ACOX1: variants seen among roughly 807,000 people sequenced by gnomAD.
ACOX1 encodes the protein peroxisomal acyl-coenzyme A oxidase 1.
ACOX1 carries 41 observed loss-of-function variants against 75.5 expected under a neutral mutation model. That is an observed-to-expected ratio of 0.54 (90% CI 0.42 to 0.70). The LOEUF (loss-of-function observed/expected upper bound fraction) is 0.70. Ranked by LOEUF, ACOX1 falls within the 30% of genes least tolerant of loss-of-function variation. The pLI, the probability that ACOX1 is intolerant of heterozygous loss-of-function variation, is 0.00. For missense variants in ACOX1, 630 were observed against 837.5 expected, an observed-to-expected ratio of 0.75 and a Z score of 3.06; for synonymous variants, 303 against 298.8, an observed-to-expected ratio of 1.01 and a Z score of -0.15.
At position 75,960,182 on chromosome 17, in the gene ACOX1, C is replaced by T. The variant is rs1279769706; in HGVS notation, c.430+33G>A. ...CACATGGTAAGCTCACAGGGGCCCGCCCAACCCAGAAGGTAGACTGAATAC... is the reference window on the plus strand; with the variant it reads ...CACATGGTAAGCTCACAGGGGCCCGTCCAACCCAGAAGGTAGACTGAATAC... On this transcript the variant is annotated intron_variant, in intron 3 of 13. Transcript: ENST00000293217. This position sits in a 1 kb window ranked among gnomAD's most constrained non-coding sequence, Gnocchi z 4.4. 3 of 1,613,304 alleles carry T rather than the reference C, an allele frequency of 1.9e-6. No individual in the cohort carries two copies. The highest frequency in any genetic ancestry group is 2.7e-5 in the African/African-American group (2 of 74,904).
At chr17:75,975,853 CAGAGAG>C (rs35921553) in intron 2 of ACOX1, among the ~76,000 whole-genome samples, 16 of 127,118 alleles carry the variant, frequency 1.3e-4, no homozygotes, top group Admixed American at 2.7e-4. Flanking sequence ...AATGGAAATG[CAGAGAG>C]AGAGAGAGAG....
At chr17:75,969,630 C>T (rs925871282) in intron 2 of ACOX1, among the ~76,000 whole-genome samples, 2 of 152,092 alleles carry the variant, frequency 1.3e-5, no homozygotes, top group African/African-American at 2.4e-5. Context: ...CAACGGAGTG[C>T]GGTAAAGACT....
rs8079543 is a variant in ACOX1 at position 75,949,156 on chromosome 17, A to G, written c.1728+61T>C. The G allele has an allele frequency of 0.014, 22,971 of 1,602,484 alleles. 1,850 individuals are homozygous for G. The African/African-American group carries it at 0.21, about 15-fold the overall frequency. On this transcript the variant is annotated intron_variant, in intron 12 of 13. Transcript: ENST00000293217. ...ATTACAGGCATGAGCCACCGTGCCC[A>G]GCCAACAATTATTTTTCTTAAAACA...
rs1491170774 is a variant in ACOX1, at chr17:75,967,682, G to GTA, written c.270-7309_270-7308dup. The stretch of plus-strand genomic sequence containing the variant: ...CATACATATATATACATATATATAC[G>GTA]TATATATATACATACATATATATAC... On this transcript the variant is annotated intron_variant, in intron 2 of 13. Coordinates refer to ENST00000293217, the MANE Select transcript of ACOX1 (RefSeq NM_004035.7). Among the ~76,000 whole-genome samples the GTA allele has an allele frequency of 2.2e-4, 20 of 90,806 alleles. 1 individual carries two copies. Among genetic ancestry groups the GTA allele is most frequent in the Non-Finnish European group, 3.8e-4 (19 of 49,650 alleles). 59.6% of individuals were successfully genotyped at this position (90,806 alleles called of 152,430 possible). A position where few individuals can be genotyped will look rare whatever the true frequency, so the allele number is the denominator to read the frequency against.
intron 6 of ACOX1, among the ~76,000 whole-genome samples, chr17:75,954,568 CTTTTTTTT>C (rs778030630): frequency 1.7e-5 from 2 of 115,654 alleles, no homozygotes; most frequent in Non-Finnish European, 1.7e-5. Flanking sequence ...TTATTAGCTC[CTTTTTTTT>C]TTTTTTTTTT....
In ACOX1 at chr17:75,946,550, C is replaced by T; in HGVS notation, c.*198G>A. 1.7e-6 allele frequency: 1 copy of T among 583,084 alleles called. No individual in the cohort carries two copies. The highest frequency in any genetic ancestry group is 3.1e-6 in the Non-Finnish European group (1 of 323,638). 36.1% of individuals were successfully genotyped at this position (583,084 alleles called of 1,614,324 possible). A position where few individuals can be genotyped will look rare whatever the true frequency, so the allele number is the denominator to read the frequency against. ...TTTTTCTGAATGGTTTAACAGGTCT[C>T]TTTCAGTGTTAATTGCACTTAAAAC... On this transcript the variant is annotated 3_prime_UTR_variant, in exon 14 of 14. Coordinates refer to ENST00000293217, the MANE Select transcript of ACOX1 (RefSeq NM_004035.7).
In ACOX1 at chr17:75,956,027, T is replaced by G. The variant is rs894544888; in HGVS notation, c.539-80A>C. The G allele has an allele frequency of 4.4e-6, 7 of 1,586,264 alleles. No homozygotes were observed. The African/African-American group carries it at 9.4e-5, about 21-fold the overall frequency. Reference sequence around the variant, plus strand: ...AGGGTAGAAAAAAGAAGAAAGAATATGTTAAATCTAACACTAGACTAAACC... The same window carrying G: ...AGGGTAGAAAAAAGAAGAAAGAATAGGTTAAATCTAACACTAGACTAAACC... On this transcript the variant is annotated intron_variant, in intron 4 of 13. Coordinates refer to ENST00000293217, the MANE Select transcript of ACOX1 (RefSeq NM_004035.7).
intron 2 of ACOX1, among the ~76,000 whole-genome samples, chr17:75,967,661 C>CATATATATATACGT (rs773082322): frequency 1.1e-5 from 1 of 93,304 alleles, no homozygotes; most frequent in African/African-American, 7.0e-5. Context: ...TATATACATA[C>CATATATATATACGT]ATATATATAC....
intron 3 of ACOX1, among the ~76,000 whole-genome samples, chr17:75,958,700 C>T (rs558888485): frequency 2.0e-5 from 3 of 147,024 alleles, no homozygotes; most frequent in Admixed American, 6.9e-5. Context: ...CCCAGCTACT[C>T]GGGAGGCTGA....
rs564804752 is a variant in ACOX1 at position 75,961,308 on chromosome 17, A to G, written c.270-933T>C. On this transcript the variant is annotated intron_variant, in intron 2 of 13. Coordinates refer to ENST00000293217, the MANE Select transcript of ACOX1 (RefSeq NM_004035.7). The stretch of plus-strand genomic sequence containing the variant: ...ACTCCATCTCAAAAAAAAAAAAAAA[A>G]AGAGAGAGAGAATTTGAAAAGTTGT... Among the ~76,000 whole-genome samples the G allele has an allele frequency of 8.0e-5, 12 of 150,750 alleles. No individual in the cohort carries two copies. In the South Asian group the frequency reaches 1.3e-3, roughly 16 times the overall value.
rs1376496010 is a variant in ACOX1 at position 75,942,181 on chromosome 17, A to T, written c.*4567T>A. On this transcript the variant is annotated 3_prime_UTR_variant, in exon 14 of 14. Coordinates refer to ENST00000293217, the MANE Select transcript of ACOX1 (RefSeq NM_004035.7). The stretch of plus-strand genomic sequence containing the variant: ...CACGGTGGCTCACGCCTGTAATCCC[A>T]GCACTTTGGGAGGCCGAGGTGGGTG... The T allele has an allele frequency of 1.3e-5, 2 of 152,180 alleles. No individual in the cohort carries two copies. The highest frequency in any genetic ancestry group is 6.5e-5 in the Admixed American group (1 of 15,270). The allele number at this position is 152,180 out of a possible 1,614,324, so 9.4% of individuals were successfully genotyped here.
In ACOX1 at chr17:75,951,408, C is replaced by T; in HGVS notation, c.1107+7G>A. The T allele has an allele frequency of 6.2e-7, 1 of 1,614,068 alleles. No homozygotes were observed. Among genetic ancestry groups the T allele is most frequent in the Non-Finnish European group, 8.5e-7 (1 of 1,180,016 alleles). ...GTGCCCATGAGTGAATGAGACCAAACTCATACCTCAGGCAGTTCACTCAGG... is the reference window on the plus strand; with the variant it reads ...GTGCCCATGAGTGAATGAGACCAAATTCATACCTCAGGCAGTTCACTCAGG... On this transcript the variant is annotated splice_region_variant and intron_variant, in intron 8 of 13. Coordinates refer to ENST00000293217, the MANE Select transcript of ACOX1 (RefSeq NM_004035.7).
chr17:75,949,105 C>T (rs1300309346), intron 12 of ACOX1, 112 bp downstream of exon 12: 8 of 1,269,290 alleles, frequency 6.3e-6, no homozygotes, highest in African/African-American at 1.5e-5. Context: ...ATCACCGTAC[C>T]CGCCTTGGGC....
At chr17:75,966,451 C>T (rs989150429) in intron 2 of ACOX1, among the ~76,000 whole-genome samples, 4 of 148,750 alleles carry the variant, frequency 2.7e-5, no homozygotes, top group Admixed American at 6.7e-5. Flanking sequence ...AGCAAGACTC[C>T]GTCTTAAAAA....
chr17:75,949,406 G>T, intron 11 of ACOX1, 46 bp from the exon 12 acceptor site: 1 of 1,613,460 alleles, frequency 6.2e-7, no homozygotes. Flanking sequence ...CTTGGAAAAA[G>T]ATTCAATATA....
chr17:75,959,771 CTACTCATT>C (rs2065871494), intron 3 of ACOX1, among the ~76,000 whole-genome samples: 2 of 152,148 alleles, frequency 1.3e-5, no homozygotes, highest in South Asian at 4.1e-4. Flanking sequence ...CAGTTATAAG[CTACTCATT>C]TCCCTCAAGC....
intron 2 of ACOX1, among the ~76,000 whole-genome samples, chr17:75,965,438 A>G (rs1483668241): frequency 2.6e-5 from 4 of 152,008 alleles, no homozygotes; most frequent in Non-Finnish European, 5.9e-5. Flanking sequence ...AGAAAAGACA[A>G]GGCTTCAATA....
At position 75,962,665 on chromosome 17, in the gene ACOX1, A is replaced by G. The variant is rs553672858; in HGVS notation, c.270-2290T>C. 2.0e-5 allele frequency among the ~76,000 whole-genome samples: 3 copies of G among 152,350 alleles called. No homozygotes were observed. The East Asian group carries it at 5.8e-4, about 29-fold the overall frequency. On this transcript the variant is annotated intron_variant, in intron 2 of 13. Transcript: ENST00000293217. ...TCAGCTAAGCAATCACACTTTAGAA[A>G]AAGAAAAATCAAAGTATGTGTGACT...
intron 2 of ACOX1, among the ~76,000 whole-genome samples, chr17:75,971,607 T>A (rs1262170676): frequency 2.6e-5 from 4 of 151,936 alleles, no homozygotes; most frequent in Admixed American, 2.0e-4. Context: ...CCGGGCATGG[T>A]GGCAGGTGCC....
Sources: allele counts gnomAD v4.1 joint callset (sites outside exome capture counted in the v4.1 genomes callset), GRCh38; gene constraint gnomAD v4.1.1; non-coding constraint Gnocchi (gnomAD v3.1); transcripts MANE v1.5; gene names NCBI Gene and HGNC (gene_info 2026-07-23, HGNC 2026-07-21).